Variants in GABRR2 observed in about 807,000 individuals in gnomAD.
GABRR2 encodes the protein gamma-aminobutyric acid receptor subunit rho-2.
In GABRR2, 36 loss-of-function variants were observed where a neutral mutation model predicts 47.0. The observed-to-expected ratio is 0.77, with a 90% CI of 0.59 to 1.01. The LOEUF (loss-of-function observed/expected upper bound fraction) is 1.01. Among genes scored for constraint, GABRR2 ranks in the 50% least tolerant of loss-of-function variants. The pLI is 0.00. For synonymous variants in GABRR2, 204 were observed against 227.5 expected (o/e 0.90, Z 0.93); for missense variants, 587 against 594.6 (o/e 0.99, Z 0.13).
Position 89,254,935 on chromosome 6 carries a change from A to C in GABRR2, c.*2735T>G, listed in dbSNP as rs547136058. On this transcript the variant is annotated 3_prime_UTR_variant, in exon 9 of 9. Coordinates refer to ENST00000402938, the MANE Select transcript of GABRR2 (RefSeq NM_002043.5). Reference sequence around the variant, plus strand: ...CTGCTATAGAATTAACTCCAGTTTAACATAGAAGCTAGCAAAAATAAATAT... The same window carrying C: ...CTGCTATAGAATTAACTCCAGTTTACCATAGAAGCTAGCAAAAATAAATAT... 5.3e-5 allele frequency among the ~76,000 whole-genome samples: 8 copies of C among 152,370 alleles called. No individual in the cohort carries two copies. Among genetic ancestry groups the C allele is most frequent in the Non-Finnish European group, 1.0e-4 (7 of 68,036 alleles).
At chr6:89,303,579 G>A (rs6901983) in intron 1 of GABRR2, among the ~76,000 whole-genome samples, 93,539 of 146,540 alleles carry the variant, frequency 0.64, 30,978 homozygotes, top group African/African-American at 0.85. Context: ...ACAGAACTAG[G>A]AAAAACTATT....
intron 1 of GABRR2, among the ~76,000 whole-genome samples, chr6:89,303,933 A>G (rs1484900002): frequency 6.6e-6 from 1 of 152,232 alleles, no homozygotes; most frequent in African/African-American, 2.4e-5. Context: ...CCCGTTTTTT[A>G]CACCATATAC....
At chr6:89,296,064 G>C (rs1029942997) in intron 2 of GABRR2, among the ~76,000 whole-genome samples, 9 of 152,158 alleles carry the variant, frequency 5.9e-5, no homozygotes, top group Non-Finnish European at 1.2e-4. Flanking sequence ...CCTGTCAGGG[G>C]CTGCTTCCAG....
At chr6:89,267,284 G>A (rs1773920404) in intron 6 of GABRR2, among the ~76,000 whole-genome samples, 1 of 152,082 alleles carries the variant, frequency 6.6e-6, no homozygotes, top group South Asian at 2.1e-4. Context: ...TCAAAATTTA[G>A]GCTGAGCATG....
chr6:89,286,404 C>A (rs1774335542), intron 2 of GABRR2, among the ~76,000 whole-genome samples: 1 of 152,102 alleles, frequency 6.6e-6, no homozygotes, highest in African/African-American at 2.4e-5. Flanking sequence ...AGAGGGTAGA[C>A]CTTAAGCATT....
chr6:89,314,669 G>A (rs1331075185), intron 1 of GABRR2, among the ~76,000 whole-genome samples: 1 of 152,120 alleles, frequency 6.6e-6, no homozygotes, highest in Non-Finnish European at 1.5e-5. Flanking sequence ...CCTATATACA[G>A]TTCTCCCCAA....
intron 8 of GABRR2, among the ~76,000 whole-genome samples, chr6:89,263,430 C>T (rs1036942509): frequency 6.6e-6 from 1 of 152,182 alleles, no homozygotes. Flanking sequence ...TTCTACTGCA[C>T]AAGGGGTCAG....
intron 1 of GABRR2, among the ~76,000 whole-genome samples, chr6:89,310,500 T>A (rs1767662526): frequency 6.6e-6 from 1 of 152,166 alleles, no homozygotes; most frequent in Non-Finnish European, 1.5e-5. Context: ...AGCCATCTTC[T>A]CTCTCTACCC....
chr6:89,268,129 CGGT>C, intron 4 of GABRR2, 33 bp from the exon 5 acceptor site: 1 of 1,537,724 alleles, frequency 6.5e-7, no homozygotes, highest in Non-Finnish European at 8.9e-7. Context: ...TTGGCTTGTG[CGGT>C]GAATTATTGG....
At chr6:89,300,640 A>G (rs540852829) in intron 1 of GABRR2, among the ~76,000 whole-genome samples, 1 of 151,772 alleles carries the variant, frequency 6.6e-6, no homozygotes, top group South Asian at 2.1e-4. Context: ...CTGGACACAT[A>G]CACACCCCAA....
intron 6 of GABRR2, among the ~76,000 whole-genome samples, chr6:89,266,735 C>G (rs1773905412): frequency 6.6e-6 from 1 of 152,172 alleles, no homozygotes; most frequent in African/African-American, 2.4e-5. Context: ...TGTTCATCAT[C>G]CCACACAGAA....
intron 1 of GABRR2, among the ~76,000 whole-genome samples, chr6:89,304,295 G>A (rs946705691): frequency 2.6e-5 from 4 of 152,250 alleles, no homozygotes; most frequent in African/African-American, 9.6e-5. Context: ...AGTGGGCACA[G>A]TGGCTTATGC....
intron 2 of GABRR2, among the ~76,000 whole-genome samples, chr6:89,281,728 A>G (rs1305579946): frequency 6.6e-6 from 1 of 151,986 alleles, no homozygotes; most frequent in Non-Finnish European, 1.5e-5. Context: ...CAGAGGCAAA[A>G]GGGGGCCCTT....
At chr6:89,294,078 A>C (rs1342882989) in intron 2 of GABRR2, among the ~76,000 whole-genome samples, 2 of 152,244 alleles carry the variant, frequency 1.3e-5, no homozygotes, top group East Asian at 3.8e-4. Context: ...TTTGTTTAAA[A>C]AATTGGTGCT....
chr6:89,284,226 A>T (rs535437815), intron 2 of GABRR2, among the ~76,000 whole-genome samples: 1 of 152,138 alleles, frequency 6.6e-6, no homozygotes, highest in Non-Finnish European at 1.5e-5. Flanking sequence ...AAAGTTCTGT[A>T]TCTCGATCTG....
At chr6:89,270,981 TCAGGGAAG>T in intron 3 of GABRR2, among the ~76,000 whole-genome samples, 1 of 151,968 alleles carries the variant, frequency 6.6e-6, no homozygotes, top group South Asian at 2.1e-4. Context: ...GATCAGGAGG[TCAGGGAAG>T]CCTCTTTGAA....
chr6:89,267,695 G>A lies in GABRR2; in HGVS notation c.720C>T (p.Ala240=). ...GATAGCTACCAGTGCTGCTGTAGAA[G>A]GCCAGCCTGGAAGTTGTGTGAAATT... is the stretch of plus-strand genomic sequence containing the variant. ...IQKFHTTSRL[A]FYSSTGWYNR... The change falls in exon 6 of 9, where the codon GCC becomes GCT. Residue 240 remains alanine (A), a synonymous_variant. Coordinates refer to ENST00000402938, the MANE Select transcript of GABRR2 (RefSeq NM_002043.5). The A allele has an allele frequency of 6.2e-7, 1 of 1,613,542 alleles. No individual in the cohort carries two copies. The highest frequency in any genetic ancestry group is 8.5e-7 in the Non-Finnish European group (1 of 1,179,696).
chr6:89,313,149 C>G (rs538621716), intron 1 of GABRR2, among the ~76,000 whole-genome samples: 18 of 152,260 alleles, frequency 1.2e-4, no homozygotes, highest in African/African-American at 4.1e-4. Context: ...ACTAGCAGGC[C>G]GTGTGACTTA....
intron 1 of GABRR2, among the ~76,000 whole-genome samples, chr6:89,314,005 T>C (rs1169255037): frequency 6.8e-6 from 1 of 147,470 alleles, no homozygotes; most frequent in East Asian, 2.0e-4. Context: ...GCTGTAACTC[T>C]TATTTATATT....
Sources: allele counts gnomAD v4.1 joint callset (sites outside exome capture counted in the v4.1 genomes callset), GRCh38; gene constraint gnomAD v4.1.1; transcripts MANE v1.5; gene names NCBI Gene and HGNC (gene_info 2026-07-23, HGNC 2026-07-21).